Variants in IFFO2 observed in about 807,000 individuals in gnomAD.
The protein encoded by IFFO2 is intermediate filament family orphan 2.
A neutral mutation model predicts 53.5 loss-of-function variants in IFFO2; 19 were observed. The ratio of observed to expected loss-of-function variants is 0.36; its 90% CI spans 0.25 to 0.52. The LOEUF is 0.52. Ranked by LOEUF, IFFO2 falls within the 20% of genes least tolerant of loss-of-function variation. The pLI is 0.94. For missense variants in IFFO2, 570 were observed against 727.4 expected, an observed-to-expected ratio of 0.78 and a Z score of 2.49; for synonymous variants, 303 against 313.6, an observed-to-expected ratio of 0.97 and a Z score of 0.36.
intron 5 of IFFO2, among the ~76,000 whole-genome samples, chr1:18,912,568 G>A (rs1275139196): frequency 1.3e-5 from 2 of 152,302 alleles, no homozygotes; most frequent in African/African-American, 4.8e-5. Context: ...AAATAGGCTA[G>A]AATGCCGAAT....
chr1:18,917,351 C>T lies in IFFO2; in HGVS notation c.964-309G>A, dbSNP rs982495668. Among the ~76,000 whole-genome samples, 6 of 152,102 alleles carry T rather than the reference C, an allele frequency of 3.9e-5. No homozygotes were observed. The highest frequency in any genetic ancestry group is 4.1e-4 in the South Asian group (2 of 4,824). The stretch of plus-strand genomic sequence containing the variant: ...GTTTGGGGAGAGGAGCAGGCCAGAC[C>T]GGGACACAGAGTTGCCTGGGATATC... On this transcript the variant is annotated intron_variant, in intron 4 of 8. Transcript: ENST00000455833. The surrounding 1 kb of genome is among the most constrained non-coding windows in gnomAD (Gnocchi z 5.9).
chr1:18,944,257 G>T (rs1256314406), intron 1 of IFFO2, among the ~76,000 whole-genome samples: 1 of 152,238 alleles, frequency 6.6e-6, no homozygotes, highest in African/African-American at 2.4e-5. Flanking sequence ...GTCAGGGAAT[G>T]ATTTTGCCTG....
Position 18,910,355 on chromosome 1 carries a change from C to G in IFFO2, c.1435G>C (p.Gly479Arg). 1 of 1,611,230 alleles carries G rather than the reference C, an allele frequency of 6.2e-7. No homozygotes were observed. The highest frequency in any genetic ancestry group is 1.1e-5 in the South Asian group (1 of 90,468). The change falls in exon 8 of 9, where the codon GGC becomes CGC. Residue 479 changes from glycine to arginine, a missense_variant. Transcript: ENST00000455833. Reference sequence around the variant, plus strand: ...ATGGGCGGGTACCTGTCTGCGGAGCCTTTGATGAGCCGGCGGCAGGTCTCC... The same window carrying G: ...ATGGGCGGGTACCTGTCTGCGGAGCGTTTGATGAGCCGGCGGCAGGTCTCC... ...QMETCRRLIK[G>R]SADRNSPSPS... is the part of the protein sequence containing the mutation.
intron 5 of IFFO2, among the ~76,000 whole-genome samples, chr1:18,915,678 A>G (rs181970519): frequency 6.2e-4 from 94 of 152,268 alleles, no homozygotes; most frequent in African/African-American, 2.2e-3. Flanking sequence ...GTGATACCCC[A>G]TCTCCTAGGA....
chr1:18,922,801 G>C (rs9426697), intron 1 of IFFO2, among the ~76,000 whole-genome samples: 49,377 of 151,926 alleles, frequency 0.33, 10,598 homozygotes, highest in African/African-American at 0.61. Flanking sequence ...GGCAACTGAA[G>C]CCGAGTGGTC....
At chr1:18,932,133 C>A (rs1936385334) in intron 1 of IFFO2, among the ~76,000 whole-genome samples, 1 of 152,216 alleles carries the variant, frequency 6.6e-6, no homozygotes. Context: ...CGCTCCCGGG[C>A]AAGTGATTTC....
intron 1 of IFFO2, among the ~76,000 whole-genome samples, chr1:18,937,597 A>T (rs1218007633): frequency 6.6e-6 from 1 of 152,156 alleles, no homozygotes; most frequent in African/African-American, 2.4e-5. Flanking sequence ...CCTCCCAGGG[A>T]CCCTTCCATG....
At chr1:18,929,287 G>A (rs1239531886) in intron 1 of IFFO2, among the ~76,000 whole-genome samples, 2 of 152,204 alleles carry the variant, frequency 1.3e-5, no homozygotes, top group East Asian at 3.9e-4. Context: ...GAGGCACACA[G>A]ATGCCCTTGA....
chr1:18,930,061 G>T (rs536682959), intron 1 of IFFO2, among the ~76,000 whole-genome samples: 1 of 152,336 alleles, frequency 6.6e-6, no homozygotes, highest in African/African-American at 2.4e-5. Context: ...GAGCCAGAGG[G>T]TCCTGGGATC....
intron 1 of IFFO2, among the ~76,000 whole-genome samples, chr1:18,930,345 C>T (rs1482218506): frequency 6.6e-6 from 1 of 152,138 alleles, no homozygotes; most frequent in Non-Finnish European, 1.5e-5. Flanking sequence ...AGACTTGAAC[C>T]CAAGGCCATC....
rs1189283757 is a variant in IFFO2 at position 18,918,754 on chromosome 1, G to A, written c.823-252C>T. 2.0e-5 allele frequency among the ~76,000 whole-genome samples: 3 copies of A among 152,046 alleles called. No individual in the cohort carries two copies. Among genetic ancestry groups the A allele is most frequent in the African/African-American group, 7.3e-5 (3 of 41,376 alleles). ...TGCTGCTCTCCCTAAGGGCTGGAAG[G>A]CATCCTCCCAGCAGACACAGGGTCC... is the stretch of plus-strand genomic sequence containing the variant. On this transcript the variant is annotated intron_variant, in intron 3 of 8. Transcript: ENST00000455833. The surrounding 1 kb of genome is among the most constrained non-coding windows in gnomAD (Gnocchi z 5.2).
rs1936129400 is a variant in IFFO2 at position 18,916,098 on chromosome 1, C to T, written c.1103+805G>A. ...CGAGATCTGGCCGCTATACTCCAGT[C>T]TGGGTGACAGAGTGAGACTGTCTCA... On this transcript the variant is annotated intron_variant, in intron 5 of 8. Transcript: ENST00000455833. This position sits in a 1 kb window ranked among gnomAD's most constrained non-coding sequence, Gnocchi z 4.3. Among the ~76,000 whole-genome samples, 1 of 151,680 alleles carries T rather than the reference C, an allele frequency of 6.6e-6. No individual in the cohort carries two copies. The highest frequency in any genetic ancestry group is 1.5e-5 in the Non-Finnish European group (1 of 67,956).
chr1:18,910,777 G>A (rs897847401), intron 7 of IFFO2, among the ~76,000 whole-genome samples: 1 of 152,232 alleles, frequency 6.6e-6, no homozygotes, highest in Non-Finnish European at 1.5e-5. Context: ...CCTTTATCCA[G>A]ACCTGATTAC....
chr1:18,929,468 G>A (rs1265273506), intron 1 of IFFO2, among the ~76,000 whole-genome samples: 1 of 152,232 alleles, frequency 6.6e-6, no homozygotes, highest in Admixed American at 6.5e-5. Flanking sequence ...CTGAAATCGA[G>A]TTGCTAAGGA....
chr1:18,944,572 T>G (rs1174313602), intron 1 of IFFO2, among the ~76,000 whole-genome samples: 1 of 152,024 alleles, frequency 6.6e-6, no homozygotes, highest in Non-Finnish European at 1.5e-5. Flanking sequence ...CACCATGATG[T>G]CAAGACCCTA....
intron 1 of IFFO2, among the ~76,000 whole-genome samples, chr1:18,945,623 G>T (rs1277816835): frequency 1.3e-5 from 2 of 152,268 alleles, no homozygotes; most frequent in Non-Finnish European, 2.9e-5. Flanking sequence ...ACACATCCCA[G>T]AGTCGGAGCA....
chr1:18,919,612 A>C lies in IFFO2; in HGVS notation c.822+66T>G. Reference sequence around the variant, plus strand: ...GCCGAGCCCCGGAGCCTCGGAGGGAATGAAGCATTTTGCATGATGGGTGTG... The same window carrying C: ...GCCGAGCCCCGGAGCCTCGGAGGGACTGAAGCATTTTGCATGATGGGTGTG... On this transcript the variant is annotated intron_variant, in intron 3 of 8. Coordinates refer to ENST00000455833, the MANE Select transcript of IFFO2 (RefSeq NM_001136265.2). The surrounding 1 kb of genome is among the most constrained non-coding windows in gnomAD (Gnocchi z 4.9). 1.9e-6 allele frequency: 2 copies of C among 1,061,682 alleles called. No homozygotes were observed. Among genetic ancestry groups the C allele is most frequent in the Non-Finnish European group, 2.9e-6 (2 of 700,492 alleles). The allele number at this position is 1,061,682 out of a possible 1,614,324, so 65.8% of individuals were successfully genotyped here.
At chr1:18,929,864 TG>T (rs1021408206) in intron 1 of IFFO2, among the ~76,000 whole-genome samples, 3 of 152,200 alleles carry the variant, frequency 2.0e-5, no homozygotes, top group Admixed American at 6.5e-5. Flanking sequence ...AATGCAATGA[TG>T]TCAAACTGGA....
intron 1 of IFFO2, among the ~76,000 whole-genome samples, chr1:18,934,057 CT>C (rs71577808): frequency 1.7e-3 from 118 of 70,288 alleles, no homozygotes; most frequent in East Asian, 2.2e-3. Flanking sequence ...TCTCTTATTT[CT>C]TTTTTTTTTT....
Sources: allele counts gnomAD v4.1 joint callset (sites outside exome capture counted in the v4.1 genomes callset), GRCh38; gene constraint gnomAD v4.1.1; non-coding constraint Gnocchi (gnomAD v3.1); transcripts MANE v1.5; gene names NCBI Gene and HGNC (gene_info 2026-07-23, HGNC 2026-07-21).